The following RASSF3 variants were observed in gnomAD, a reference collection of about 807,000 sequenced individuals.
RASSF3 encodes Ras association domain family member 3.
A neutral mutation model predicts 19.9 loss-of-function variants in RASSF3; 19 were observed. The observed-to-expected ratio is 0.96, with a 90% CI of 0.67 to 1.40. The LOEUF (loss-of-function observed/expected upper bound fraction) is 1.40, where lower values mean the gene tolerates loss of function less well. Ranked by LOEUF, RASSF3 falls within the 40% of genes most tolerant of loss-of-function variation. The pLI, the probability that RASSF3 is intolerant of heterozygous loss-of-function variation, is 0.00. For synonymous variants in RASSF3, 110 were observed against 104.2 expected (o/e 1.06, Z -0.34); for missense variants, 306 against 289.8 (o/e 1.06, Z -0.41).
downstream of RASSF3, among the ~76,000 whole-genome samples, chr12:64,544,117 A>G (rs1040314337): frequency 5.9e-5 from 9 of 152,248 alleles, no homozygotes; most frequent in South Asian, 6.2e-4. Context: ...GGTGTTTGCA[A>G]TAAATCCTGG....
upstream of RASSF3, among the ~76,000 whole-genome samples, chr12:64,529,691 G>T (rs1868664536): frequency 1.3e-5 from 2 of 152,136 alleles, no homozygotes; most frequent in Admixed American, 1.3e-4. Context: ...ATCAGTATGT[G>T]AGCCAATAAA....
chr12:64,532,558 T>C (rs10459260), upstream of RASSF3, among the ~76,000 whole-genome samples: 86,245 of 151,730 alleles, frequency 0.57, 25,105 homozygotes, highest in East Asian at 0.97. Context: ...TGTGGTGGCT[T>C]ATGTCTGTAA....
At chr12:64,571,461 T>C (rs991659248) in intron 2 of RASSF3, among the ~76,000 whole-genome samples, 22 of 152,298 alleles carry the variant, frequency 1.4e-4, no homozygotes, top group African/African-American at 5.1e-4. Context: ...TGTTATGACC[T>C]GGCAGCAAAG....
chr12:64,684,301 G>A (rs1194679830), intron 1 of RASSF3, among the ~76,000 whole-genome samples: 1 of 151,542 alleles, frequency 6.6e-6, no homozygotes, highest in Admixed American at 6.6e-5. Flanking sequence ...GCCCAGCCTG[G>A]TCACAATCTC....
intron 1 of RASSF3, among the ~76,000 whole-genome samples, chr12:64,675,052 C>A (rs867666409): frequency 7.8e-5 from 8 of 102,622 alleles, no homozygotes; most frequent in Non-Finnish European, 1.3e-4. Flanking sequence ...CTAGCCCCCC[C>A]CCCCCCCGCC....
chr12:64,637,622 G>T (rs1230204614), intron 1 of RASSF3, among the ~76,000 whole-genome samples: 1 of 151,412 alleles, frequency 6.6e-6, no homozygotes, highest in Non-Finnish European at 1.5e-5. Flanking sequence ...TAGAGACAGG[G>T]TTTCACCATG....
At chr12:64,648,646 C>A (rs1433121276) in intron 1 of RASSF3, among the ~76,000 whole-genome samples, 2 of 151,682 alleles carry the variant, frequency 1.3e-5, no homozygotes, top group East Asian at 3.9e-4. Context: ...CAACACCCAG[C>A]TAATTTTTGT....
intron 1 of RASSF3, among the ~76,000 whole-genome samples, chr12:64,612,925 G>A (rs1317491404): frequency 6.6e-6 from 1 of 152,196 alleles, no homozygotes; most frequent in East Asian, 1.9e-4. Context: ...GGAAGACATA[G>A]TTCGTGGTTG....
chr12:64,618,298 G>A lies in RASSF3; in HGVS notation c.111+7555G>A, dbSNP rs181831317. On this transcript the variant is annotated intron_variant, in intron 1 of 4. Coordinates refer to ENST00000542104, the MANE Select transcript of RASSF3 (RefSeq NM_178169.4). Reference sequence around the variant, plus strand: ...GGTAGTTCTGGTTTGGCTATCAGTAGTGTTGTCAAATAGCTTTTGTTTGCT... The same window carrying A: ...GGTAGTTCTGGTTTGGCTATCAGTAATGTTGTCAAATAGCTTTTGTTTGCT... 9.9e-5 allele frequency among the ~76,000 whole-genome samples: 15 copies of A among 152,126 alleles called. No individual in the cohort carries two copies. In the East Asian group the frequency reaches 2.9e-3, roughly 29 times the overall value.
chr12:64,552,813 TTTTC>T (rs1869187586), intron 2 of RASSF3, among the ~76,000 whole-genome samples: 2 of 151,796 alleles, frequency 1.3e-5, no homozygotes, highest in Admixed American at 6.6e-5. Context: ...CTTATTTTCT[TTTTC>T]TTTCTTTCTT....
At chr12:64,568,320 A>C (rs1432270380) in intron 2 of RASSF3, among the ~76,000 whole-genome samples, 1 of 152,238 alleles carries the variant, frequency 6.6e-6, no homozygotes, top group East Asian at 1.9e-4. Context: ...GGCGTGAGCC[A>C]TCATGCCTGG....
chr12:64,547,307 C>T (rs983375029), intron 2 of RASSF3, among the ~76,000 whole-genome samples: 3 of 150,936 alleles, frequency 2.0e-5, no homozygotes, highest in African/African-American at 7.3e-5. Flanking sequence ...GTGACTCACG[C>T]CTGTAATCCC....
rs34768318 is a variant in RASSF3 at position 64,590,573 on chromosome 12, G to T, written c.294+48868G>T. Among the ~76,000 whole-genome samples, 988 of 152,188 alleles carry T rather than the reference G, an allele frequency of 6.5e-3. 14 individuals carry two copies. The highest frequency in any genetic ancestry group is 0.015 in the Admixed American group (236 of 15,272). On this transcript the variant is annotated intron_variant, in intron 2 of 5. Coordinates refer to the RASSF3 transcript ENST00000637125. Reference sequence around the variant, plus strand: ...ACTATTTATTACATGTGAAATTTAGGGTTTAAAGGTGATCTCTCTAATATG... The same window carrying T: ...ACTATTTATTACATGTGAAATTTAGTGTTTAAAGGTGATCTCTCTAATATG...
At chr12:64,543,018 T>G (rs1361144303), downstream of RASSF3, among the ~76,000 whole-genome samples, 3 of 112,854 alleles carry the variant, frequency 2.7e-5, no homozygotes, top group African/African-American at 5.9e-5. Flanking sequence ...GCACTTGGAG[T>G]GGCGGGCCCC....
chr12:64,661,225 G>A (rs1332874252), intron 1 of RASSF3, among the ~76,000 whole-genome samples: 1 of 152,136 alleles, frequency 6.6e-6, no homozygotes, highest in Admixed American at 6.6e-5. Context: ...CAGGTTCTTG[G>A]GCTGGGCATG....
At chr12:64,684,612 G>A (rs1873274454) in intron 1 of RASSF3, among the ~76,000 whole-genome samples, 175 bp from the exon 2 acceptor site, 1 of 151,738 alleles carries the variant, frequency 6.6e-6, no homozygotes, top group Admixed American at 6.6e-5. Context: ...CGTAATTTTA[G>A]TAGAGACAGG....
At position 64,694,945 on chromosome 12, in the gene RASSF3, G is replaced by A; in HGVS notation, c.*33G>A. ...CTCCCTGCCCGTGAGGCCCGGTGCAGGACCGATGTACAAAACAGCAGCAAG... is the reference window on the plus strand; with the variant it reads ...CTCCCTGCCCGTGAGGCCCGGTGCAAGACCGATGTACAAAACAGCAGCAAG... On this transcript the variant is annotated 3_prime_UTR_variant, in exon 5 of 5. Coordinates refer to ENST00000542104, the MANE Select transcript of RASSF3 (RefSeq NM_178169.4). 1 of 1,607,408 alleles carries A rather than the reference G, an allele frequency of 6.2e-7. No individual in the cohort carries two copies. The highest frequency in any genetic ancestry group is 2.2e-5 in the East Asian group (1 of 44,770).
chr12:64,509,818 T>C (rs978315971), intron 1 of RASSF3, among the ~76,000 whole-genome samples: 2 of 152,108 alleles, frequency 1.3e-5, no homozygotes, highest in South Asian at 2.1e-4. Flanking sequence ...CCAAGCTCAG[T>C]GGCTCATGCT....
chr12:64,678,688 CT>C (rs1490230742), intron 1 of RASSF3, among the ~76,000 whole-genome samples: 4 of 121,656 alleles, frequency 3.3e-5, no homozygotes, highest in Non-Finnish European at 5.4e-5. Context: ...CCAAAAACCT[CT>C]TGTGGGGCTG....
Sources: gnomAD v4.1 joint callset for allele counts (sites outside exome capture counted in the v4.1 genomes callset) on GRCh38, gnomAD v4.1.1 for gene constraint, MANE v1.5 for transcripts, NCBI Gene and HGNC (gene_info 2026-07-23, HGNC 2026-07-21) for gene names.